The following SP140 variants were observed in gnomAD, a reference collection of about 807,000 sequenced individuals.
SP140 encodes nuclear body protein SP140.
In SP140, 81 loss-of-function variants were observed where a neutral mutation model predicts 125.0. The ratio of observed to expected loss-of-function variants is 0.65; its 90% confidence interval spans 0.54 to 0.78. The LOEUF is 0.78. SP140 is among the 30% of genes least tolerant of loss of function. The pLI is 0.00. For missense variants in SP140, 858 were observed against 1,037.0 expected (o/e 0.83, Z 2.37); for synonymous variants, 312 against 354.0 (o/e 0.88, Z 1.33).
chr2:230,250,453 A>G (rs1284193013), intron 9 of SP140, among the ~76,000 whole-genome samples: 4 of 151,530 alleles, frequency 2.6e-5, no homozygotes, highest in Non-Finnish European at 5.9e-5. Flanking sequence ...TTTCCCCTGT[A>G]CTCTGTATTG....
At chr2:230,309,804 G>A in intron 22 of SP140, 120 bp from the exon 23 acceptor site, 2 of 942,118 alleles carry the variant, frequency 2.1e-6, no homozygotes, top group Non-Finnish European at 1.6e-6. Context: ...CATATCCCAG[G>A]GAGAAGCATT....
At chr2:230,223,258 A>T (rs2045971653), upstream of SP140, among the ~76,000 whole-genome samples, 1 of 151,924 alleles carries the variant, frequency 6.6e-6, no homozygotes, top group Non-Finnish European at 1.5e-5. Context: ...GATGGTCTTG[A>T]TCTCCTGACC....
chr2:230,311,740 A>G (rs2059347986), intron 26 of SP140, 145 bp downstream of exon 26: 1 of 1,057,290 alleles, frequency 9.5e-7, no homozygotes, highest in South Asian at 1.6e-5. Flanking sequence ...TCAGTTCAGA[A>G]CTTAAGCTCT....
At chr2:230,208,083 A>T (rs201357270) in intron 1 of SP140, 42 of 1,300,584 alleles carry the variant, frequency 3.2e-5, no homozygotes, top group Non-Finnish European at 4.7e-5. Context: ...ATAATGTTTT[A>T]TAGTTACAAA....
chr2:230,205,226 C>T (rs938130254), intron 1 of SP140, among the ~76,000 whole-genome samples: 2 of 152,160 alleles, frequency 1.3e-5, no homozygotes, highest in African/African-American at 4.8e-5. Flanking sequence ...TTAAGTTCCT[C>T]ATTTCAAGTT....
At chr2:230,252,192 G>A (rs2050473838) in intron 10 of SP140, among the ~76,000 whole-genome samples, 1 of 151,596 alleles carries the variant, frequency 6.6e-6, no homozygotes, top group African/African-American at 2.4e-5. Context: ...ATAGAGCCAG[G>A]AAAGATACAC....
At chr2:230,229,691 A>C (rs780040242) in intron 1 of SP140, among the ~76,000 whole-genome samples, 1 of 151,674 alleles carries the variant, frequency 6.6e-6, no homozygotes, top group Non-Finnish European at 1.5e-5. Flanking sequence ...ATGGTCAAGA[A>C]ATTCTTTTAA....
chr2:230,228,261 ATTTCTATTCT>A (rs1228765320), intron 1 of SP140, among the ~76,000 whole-genome samples: 10 of 152,120 alleles, frequency 6.6e-5, no homozygotes, highest in Non-Finnish European at 1.0e-4. Flanking sequence ...AACTTTTAGG[ATTTCTATTCT>A]TTTAAATTTG....
intron 9 of SP140, among the ~76,000 whole-genome samples, chr2:230,250,740 G>A (rs1055016503): frequency 1.3e-5 from 2 of 152,090 alleles, no homozygotes; most frequent in Admixed American, 6.5e-5. Flanking sequence ...AAGGGGGAGG[G>A]GGAGAAGGAG....
chr2:230,202,497 A>G, upstream of SP140: 2 of 1,334,818 alleles, frequency 1.5e-6, no homozygotes, highest in Admixed American at 3.5e-5. Flanking sequence ...GACTTTACAT[A>G]TCTACTTAAC....
chr2:230,247,728 G>A (rs1254250533), intron 7 of SP140, among the ~76,000 whole-genome samples, 188 bp from the exon 8 acceptor site: 1 of 152,100 alleles, frequency 6.6e-6, no homozygotes, highest in Non-Finnish European at 1.5e-5. Context: ...TTACTTCAAG[G>A]TTTATATACA....
At chr2:230,306,799 C>G (rs535784247) in intron 22 of SP140, among the ~76,000 whole-genome samples, 1 of 152,326 alleles carries the variant, frequency 6.6e-6, no homozygotes, top group East Asian at 1.9e-4. Context: ...CCTGCAGGTG[C>G]CCCTTTGGGC....
At chr2:230,207,943 G>T in intron 1 of SP140, 2 of 901,886 alleles carry the variant, frequency 2.2e-6, no homozygotes, top group Non-Finnish European at 3.7e-6. Flanking sequence ...TACAAGCCCT[G>T]CATGAGCTGT....
upstream of SP140, among the ~76,000 whole-genome samples, chr2:230,199,406 A>C (rs1211302910): frequency 6.6e-6 from 1 of 151,508 alleles, no homozygotes; most frequent in Non-Finnish European, 1.5e-5. Context: ...ACAGGGTTTC[A>C]TCATGCTGGC....
chr2:230,265,079 C>T (rs62191195), intron 12 of SP140, among the ~76,000 whole-genome samples: 29,519 of 151,382 alleles, frequency 0.19, 3,176 homozygotes, highest in Non-Finnish European at 0.24. Context: ...AAGGAAGAGC[C>T]GTCAGGTGGG....
the SP140 span, among the ~76,000 whole-genome samples, chr2:230,188,100 T>G: frequency 6.6e-6 from 1 of 152,248 alleles, no homozygotes; most frequent in Non-Finnish European, 1.5e-5. Flanking sequence ...ATTTTCATAT[T>G]GATTCTTCCA....
downstream of SP140, among the ~76,000 whole-genome samples, chr2:230,313,982 G>A (rs1172063878): frequency 1.3e-5 from 2 of 152,190 alleles, no homozygotes; most frequent in Admixed American, 1.3e-4. Flanking sequence ...GTCGTTACCA[G>A]CCTAAGGAGA....
At chr2:230,246,365 A>AAATATTACCACGTTGGGTAACATTTGGGT (rs2049452611) in intron 7 of SP140, among the ~76,000 whole-genome samples, 2 of 152,342 alleles carry the variant, frequency 1.3e-5, no homozygotes, top group African/African-American at 2.4e-5. Context: ...TGTGGGATCC[A>AAATATTACCACGTTGGGTAACATTTGGGT]AATATTACCA....
rs2049229929 is a variant in SP140 at position 230,245,034 on chromosome 2, T to G, written c.618T>G (p.Gly206=). ...SCEQLALPKA[G]GGDAEDAPSL... ...AGCAGTTAGCTCTCCCAAAGGCTGG[T>G]GGAGGAGATGCTGAAGATGCACCCA... Residue 206 remains glycine, a synonymous_variant, in exon 6 of 27, where the codon GGT becomes GGG. Coordinates refer to ENST00000392045, the MANE Select transcript of SP140 (RefSeq NM_007237.5). The G allele has an allele frequency of 1.2e-6, 2 of 1,613,134 alleles. No individual in the cohort carries two copies. Among genetic ancestry groups the G allele is most frequent in the African/African-American group, 2.7e-5 (2 of 74,814 alleles).
Sources: gnomAD v4.1 joint callset for allele counts (sites outside exome capture counted in the v4.1 genomes callset) on GRCh38, gnomAD v4.1.1 for gene constraint, MANE v1.5 for transcripts, NCBI Gene and HGNC (gene_info 2026-07-23, HGNC 2026-07-21) for gene names.